Variants in SOS1 observed in about 807,000 individuals in gnomAD.
SOS1 encodes the protein SOS Ras/Rac guanine nucleotide exchange factor 1.
A neutral mutation model predicts 157.6 loss-of-function variants in SOS1; 25 were observed. The ratio of observed to expected loss-of-function variants is 0.16; its 90% CI spans 0.12 to 0.22. SOS1 has a LOEUF of 0.22. SOS1 is among the 10% of genes least tolerant of loss of function. SOS1 has a pLI of 1.00. For missense variants in SOS1, 1,237 were observed against 1,599.1 expected, an observed-to-expected ratio of 0.77 and a Z score of 3.86; for synonymous variants, 528 against 534.0, an observed-to-expected ratio of 0.99 and a Z score of 0.16.
intron 15 of SOS1, among the ~76,000 whole-genome samples, 182 bp downstream of exon 15, chr2:39,010,402 G>A (rs1047425645): frequency 6.6e-6 from 1 of 151,950 alleles, no homozygotes; most frequent in African/African-American, 2.4e-5. Flanking sequence ...TTACTCTGGA[G>A]GCTGAGGTGG....
chr2:39,079,284 A>T (rs1422373618), intron 1 of SOS1, among the ~76,000 whole-genome samples: 1 of 152,108 alleles, frequency 6.6e-6, no homozygotes, highest in African/African-American at 2.4e-5. Flanking sequence ...TTACAGAACA[A>T]TAGAAACAAT....
intron 5 of SOS1, 78 bp from the exon 6 acceptor site, chr2:39,051,365 T>C: frequency 1.5e-6 from 2 of 1,297,670 alleles, no homozygotes; most frequent in Non-Finnish European, 2.2e-6. Flanking sequence ...AATAAGTCAT[T>C]TTATAATCAC....
At chr2:39,090,295 T>C (rs1009688305) in intron 1 of SOS1, among the ~76,000 whole-genome samples, 8 of 152,300 alleles carry the variant, frequency 5.3e-5, no homozygotes, top group African/African-American at 1.4e-4. Flanking sequence ...AAATGTCTGA[T>C]CCAACTTTTT....
intron 6 of SOS1, among the ~76,000 whole-genome samples, chr2:39,039,220 AAT>A (rs752344292): frequency 1.6e-4 from 25 of 152,376 alleles, no homozygotes; most frequent in Admixed American, 6.5e-4. Context: ...AAGCCAAAAA[AAT>A]AGTGACTTGC....
intron 1 of SOS1, among the ~76,000 whole-genome samples, chr2:39,076,453 C>G (rs906766186): frequency 2.6e-5 from 4 of 151,556 alleles, no homozygotes; most frequent in African/African-American, 9.7e-5. Context: ...AGAAAAGATA[C>G]TACACCATGA....
At chr2:39,020,714 C>T (rs569261870) in intron 10 of SOS1, among the ~76,000 whole-genome samples, 1 of 151,746 alleles carries the variant, frequency 6.6e-6, no homozygotes, top group South Asian at 2.1e-4. Context: ...TTCTATGTTG[C>T]CAGTAATAAC....
intron 6 of SOS1, among the ~76,000 whole-genome samples, chr2:39,047,746 C>T (rs1053680998): frequency 1.3e-5 from 2 of 152,220 alleles, no homozygotes; most frequent in Admixed American, 6.5e-5. Flanking sequence ...TCTTGGCTCA[C>T]TGCAACCTCT....
intron 1 of SOS1, among the ~76,000 whole-genome samples, chr2:39,117,711 T>A (rs1282232431): frequency 6.6e-6 from 1 of 152,056 alleles, no homozygotes; most frequent in Non-Finnish European, 1.5e-5. Context: ...GTGAACCCCA[T>A]TAAGAAGTTA....
At chr2:39,070,593 A>G (rs1671761243) in intron 1 of SOS1, among the ~76,000 whole-genome samples, 1 of 152,170 alleles carries the variant, frequency 6.6e-6, no homozygotes, top group African/African-American at 2.4e-5. Flanking sequence ...TTTAGACCCA[A>G]ACTTCAAATT....
upstream of SOS1, among the ~76,000 whole-genome samples, chr2:39,121,681 G>C (rs543338256): frequency 6.6e-6 from 1 of 152,150 alleles, no homozygotes; most frequent in Admixed American, 6.5e-5. Flanking sequence ...CTCTCAGGGC[G>C]TTCAGTCTAT....
At chr2:39,027,893 A>G (rs970420089) in intron 8 of SOS1, among the ~76,000 whole-genome samples, 1 of 151,496 alleles carries the variant, frequency 6.6e-6, no homozygotes, top group Non-Finnish European at 1.5e-5. Context: ...CAGTGGCACA[A>G]TCTTAGCTCA....
chr2:39,116,473 T>C (rs1357372302), intron 1 of SOS1, among the ~76,000 whole-genome samples: 1 of 152,246 alleles, frequency 6.6e-6, no homozygotes, highest in African/African-American at 2.4e-5. Flanking sequence ...AAACTAGGCT[T>C]CTAACTTTTC....
intron 20 of SOS1, among the ~76,000 whole-genome samples, chr2:38,991,916 G>A (rs1668746270): frequency 6.6e-6 from 1 of 151,944 alleles, no homozygotes; most frequent in South Asian, 2.1e-4. Context: ...ATTATTTTGG[G>A]AAAAAACCGT....
chr2:38,997,079 T>G (rs540649809), intron 18 of SOS1, 41 bp from the exon 19 acceptor site: 11 of 1,151,748 alleles, frequency 9.6e-6, no homozygotes, highest in South Asian at 9.4e-5. Flanking sequence ...TATTCAAAAT[T>G]ATAAATTCAG....
chr2:38,983,916 C>G lies in SOS1; in HGVS notation c.*1908G>C, dbSNP rs1668474152. ...AAATATTTTATAAAGAGAAGAATGGCTACCATCATAGGAATGGTACAGATA... is the reference window on the plus strand; with the variant it reads ...AAATATTTTATAAAGAGAAGAATGGGTACCATCATAGGAATGGTACAGATA... On this transcript the variant is annotated 3_prime_UTR_variant, in exon 23 of 23. Coordinates refer to ENST00000402219, the MANE Select transcript of SOS1 (RefSeq NM_005633.4). 6.6e-6 allele frequency: 1 copy of G among 152,102 alleles called. No individual in the cohort carries two copies. The highest frequency in any genetic ancestry group is 2.4e-5 in the African/African-American group (1 of 41,416). The allele number at this position is 152,102 out of a possible 1,614,324, so 9.4% of individuals were successfully genotyped here.
intron 8 of SOS1, among the ~76,000 whole-genome samples, chr2:39,025,150 A>G (rs1282844535): frequency 6.6e-6 from 1 of 152,240 alleles, no homozygotes; most frequent in Non-Finnish European, 1.5e-5. Flanking sequence ...TATGCCTATA[A>G]TCTCAGCACT....
chr2:39,103,808 A>G (rs566720110), intron 1 of SOS1, among the ~76,000 whole-genome samples: 31 of 152,368 alleles, frequency 2.0e-4, no homozygotes, highest in African/African-American at 7.5e-4. Context: ...CTTCGTCAAA[A>G]TTAAAAACTT....
chr2:39,032,845 A>T (rs1001337161), intron 8 of SOS1, among the ~76,000 whole-genome samples: 4 of 152,036 alleles, frequency 2.6e-5, no homozygotes, highest in African/African-American at 9.7e-5. Context: ...CCTTTAATTA[A>T]TCCCAGCTGC....
intron 1 of SOS1, among the ~76,000 whole-genome samples, chr2:39,107,698 T>A (rs1429543551): frequency 6.6e-6 from 1 of 151,868 alleles, no homozygotes; most frequent in Non-Finnish European, 1.5e-5. Context: ...CATTTTACAT[T>A]AACTATTTCT....
Sources: allele counts gnomAD v4.1 joint callset (sites outside exome capture counted in the v4.1 genomes callset), GRCh38; gene constraint gnomAD v4.1.1; transcripts MANE v1.5; gene names NCBI Gene and HGNC (gene_info 2026-07-23, HGNC 2026-07-21).